NDUFB6: variants seen among roughly 807,000 people sequenced by gnomAD.
NDUFB6 encodes NADH dehydrogenase [ubiquinone] 1 beta subcomplex subunit 6.
NDUFB6 carries 23 observed loss-of-function variants against 17.5 expected under a neutral mutation model. That is an observed-to-expected ratio of 1.31 (90% CI 0.94 to 1.86). The LOEUF (loss-of-function observed/expected upper bound fraction) is 1.86. Ranked by LOEUF, NDUFB6 falls within the 40% of genes most tolerant of loss-of-function variation. The probability of loss-of-function intolerance (pLI) is 0.00; values close to 1 mark genes in which losing one functional copy is unlikely to be tolerated. For synonymous variants in NDUFB6, 60 were observed against 53.5 expected, an observed-to-expected ratio of 1.12 and a Z score of -0.53; for missense variants, 167 against 153.8, an observed-to-expected ratio of 1.09 and a Z score of -0.46.
intron 2 of NDUFB6, among the ~76,000 whole-genome samples, chr9:32,569,689 CT>C (rs112526069): frequency 0.016 from 1,179 of 74,726 alleles, 25 homozygotes; most frequent in African/African-American, 0.046. Flanking sequence ...ATTTTTTTTT[CT>C]TTTTTTTTGG....
intron 2 of NDUFB6, chr9:32,568,065 A>G (rs942495181): frequency 1.2e-5 from 2 of 167,238 alleles, no homozygotes; most frequent in African/African-American, 4.8e-5. Flanking sequence ...GAAAAAAAAA[A>G]GATAGTGATT....
chr9:32,572,776 A>G (rs980463000), intron 1 of NDUFB6, 105 bp downstream of exon 1: 1 of 1,079,318 alleles, frequency 9.3e-7, no homozygotes, highest in Non-Finnish European at 1.3e-6. Flanking sequence ...CAGAGCACTG[A>G]GCGTTATCAG....
chr9:32,560,133 A>C (rs1821585675), intron 2 of NDUFB6, among the ~76,000 whole-genome samples: 1 of 152,250 alleles, frequency 6.6e-6, no homozygotes, highest in African/African-American at 2.4e-5. Flanking sequence ...TTAGGCAGCA[A>C]AGGAGTGAGC....
At chr9:32,564,605 T>C (rs559017014) in intron 2 of NDUFB6, among the ~76,000 whole-genome samples, 10 of 152,130 alleles carry the variant, frequency 6.6e-5, no homozygotes, top group African/African-American at 2.4e-4. Flanking sequence ...AGAAAATGAG[T>C]CCTCTGTAAT....
intron 1 of NDUFB6, among the ~76,000 whole-genome samples, chr9:32,571,316 A>G (rs537900152): frequency 2.8e-4 from 42 of 152,330 alleles, no homozygotes; most frequent in Non-Finnish European, 5.1e-4. Context: ...TAGATTTTTT[A>G]AAGACTTCCA....
chr9:32,567,036 G>A (rs767837237), intron 2 of NDUFB6: 14 of 500,976 alleles, frequency 2.8e-5, no homozygotes, highest in South Asian at 1.8e-4. Flanking sequence ...TAGCCCTTGC[G>A]CAGCATCTCC....
chr9:32,555,604 A>T (rs1563990892), intron 3 of NDUFB6, among the ~76,000 whole-genome samples: 1 of 152,268 alleles, frequency 6.6e-6, no homozygotes, highest in African/African-American at 2.4e-5. Flanking sequence ...CTAAATGTTA[A>T]GGGAAATGGA....
At chr9:32,566,549 G>A (rs1443644331) in intron 2 of NDUFB6, 2 of 773,988 alleles carry the variant, frequency 2.6e-6, no homozygotes, top group African/African-American at 1.7e-5. Flanking sequence ...TTGTATAGCT[G>A]CCGTCGTACT....
At chr9:32,568,312 C>T (rs1821856620) in intron 2 of NDUFB6, 1 of 193,618 alleles carries the variant, frequency 5.2e-6, no homozygotes. Context: ...GAAGTGGAGC[C>T]TGACCATGTG....
intron 2 of NDUFB6, among the ~76,000 whole-genome samples, chr9:32,569,913 T>G (rs372988581): frequency 6.6e-6 from 1 of 152,232 alleles, no homozygotes; most frequent in Admixed American, 6.5e-5. Context: ...AACTTTTATA[T>G]GCACTAGGAA....
intron 2 of NDUFB6, chr9:32,567,252 G>A (rs1409321593): frequency 6.3e-6 from 3 of 473,088 alleles, no homozygotes; most frequent in East Asian, 6.9e-5. Flanking sequence ...GGCATGGGCC[G>A]GGAACCGATC....
At chr9:32,557,225 C>G (rs1217286014) in intron 3 of NDUFB6, among the ~76,000 whole-genome samples, 1 of 148,220 alleles carries the variant, frequency 6.7e-6, no homozygotes, top group African/African-American at 2.5e-5. Context: ...AGTGCAGTGG[C>G]GCAAACTCCG....
At chr9:32,559,529 A>G (rs1031162171) in intron 2 of NDUFB6, among the ~76,000 whole-genome samples, 1 of 152,180 alleles carries the variant, frequency 6.6e-6, no homozygotes, top group Non-Finnish European at 1.5e-5. Flanking sequence ...TACTACAGCC[A>G]CAGTGGCTCC....
chr9:32,561,721 G>C (rs1294080542), intron 2 of NDUFB6, among the ~76,000 whole-genome samples: 5 of 152,100 alleles, frequency 3.3e-5, no homozygotes, highest in Non-Finnish European at 5.9e-5. Flanking sequence ...AGTCATAAAT[G>C]ACTGTGAACT....
At position 32,553,893 on chromosome 9, in the gene NDUFB6, G is replaced by C; in HGVS notation, c.370C>G (p.Pro124Ala). Reference protein sequence around the residue: ...GEVIPPMKEFPDQHH With the variant: ...GEVIPPMKEFADQHH The stretch of plus-strand genomic sequence containing the variant: ...CATAATCTTTAATGATGTTGATCAG[G>C]AAATTCTTTCATTGGTGGAATTACT... The change falls in exon 4 of 4, where the codon CCT becomes GCT. Residue 124 changes from proline to alanine, a missense_variant. By Grantham distance (27) the Pro-to-Ala change is conservative (BLOSUM62 -1). Transcript: ENST00000379847. 1 of 1,594,764 alleles carries C rather than the reference G, an allele frequency of 6.3e-7. No homozygotes were observed. The highest frequency in any genetic ancestry group is 8.6e-7 in the Non-Finnish European group (1 of 1,163,336).
intron 2 of NDUFB6, among the ~76,000 whole-genome samples, chr9:32,569,934 T>C (rs1036699778): frequency 6.6e-6 from 1 of 152,204 alleles, no homozygotes; most frequent in Admixed American, 6.5e-5. Flanking sequence ...GCCAAAAAAT[T>C]TGTGTAACTC....
At chr9:32,554,907 G>T (rs1821413452) in intron 3 of NDUFB6, among the ~76,000 whole-genome samples, 1 of 152,184 alleles carries the variant, frequency 6.6e-6, no homozygotes, top group African/African-American at 2.4e-5. Flanking sequence ...TGAACTTGAG[G>T]TTCTAGAAGA....
intron 2 of NDUFB6, chr9:32,567,348 A>C (rs1403726476): frequency 2.1e-6 from 1 of 468,874 alleles, no homozygotes; most frequent in African/African-American, 2.0e-5. Flanking sequence ...AATATTTCAA[A>C]CTTTTTCAGA....
In NDUFB6 at chr9:32,573,071, G is replaced by A. The variant is rs1259348416; in HGVS notation, c.-11C>T. On this transcript the variant is annotated 5_prime_UTR_variant, in exon 1 of 4. Coordinates refer to ENST00000379847, the MANE Select transcript of NDUFB6 (RefSeq NM_002493.5). ...AGTGTACCCCGTCATGTCGCCGCTG[G>A]TACCAACGCAAAAGGACACGGCGCA... The A allele has an allele frequency of 1.9e-6, 3 of 1,546,494 alleles. No individual in the cohort carries two copies. The highest frequency in any genetic ancestry group is 1.7e-6 in the Non-Finnish European group (2 of 1,144,626).
Sources: allele counts gnomAD v4.1 joint callset (sites outside exome capture counted in the v4.1 genomes callset), GRCh38; gene constraint gnomAD v4.1.1; transcripts MANE v1.5; gene names NCBI Gene and HGNC (gene_info 2026-07-23, HGNC 2026-07-21).